Variants in MANEAL observed in about 807,000 individuals in gnomAD.
MANEAL encodes the protein mannosidase endo-alpha like, also known as glycoprotein endo-alpha-1,2-mannosidase-like protein.
Under a neutral mutation model 35.9 loss-of-function variants are expected in MANEAL, and 28 were observed. That is an observed-to-expected ratio of 0.78 (90% CI 0.58 to 1.07). MANEAL has a LOEUF of 1.07. Ranked by LOEUF, MANEAL falls within the 50% of genes least tolerant of loss-of-function variation. MANEAL has a pLI of 0.00. For missense variants in MANEAL, 576 were observed against 629.6 expected, an observed-to-expected ratio of 0.91 and a Z score of 0.91; for synonymous variants, 286 against 272.2, an observed-to-expected ratio of 1.05 and a Z score of -0.50.
At chr1:37,798,568 A>G (rs1393166259) in intron 3 of MANEAL, among the ~76,000 whole-genome samples, 1 of 151,724 alleles carries the variant, frequency 6.6e-6, no homozygotes, top group South Asian at 2.1e-4. Context: ...TATCTCTACA[A>G]ATTTTTTTTT....
rs1449680306 is a variant in MANEAL, at chr1:37,799,984, G to A, written c.1155G>A (p.Glu385=). 3.7e-6 allele frequency: 6 copies of A among 1,614,220 alleles called. No homozygotes were observed. In the Middle Eastern group the frequency reaches 4.9e-4, roughly 133 times the overall value. The change falls in exon 4 of 4, where the codon GAG becomes GAA. Residue 385 remains glutamate (E), a synonymous_variant. Transcript: ENST00000373045. This position sits in a 1 kb window ranked among gnomAD's most constrained non-coding sequence, Gnocchi z 4.1. ...TRNRVNGKYY[E]TALQAALTVR... Reference sequence around the variant, plus strand: ...ACAGGGTCAATGGCAAGTACTATGAGACGGCCCTGCAGGCGGCCCTGACAG... The same window carrying A: ...ACAGGGTCAATGGCAAGTACTATGAAACGGCCCTGCAGGCGGCCCTGACAG...
Position 37,794,253 on chromosome 1 carries a change from T to C in MANEAL, c.71T>C (p.Met24Thr). The change falls in exon 1 of 4, where the codon ATG becomes ACG. Residue 24 changes from methionine (M) to threonine (T), a missense_variant. Coordinates refer to ENST00000373045, the MANE Select transcript of MANEAL (RefSeq NM_001113482.2). The surrounding 1 kb of genome is among the most constrained non-coding windows in gnomAD (Gnocchi z 5.7). ...CTGCTCTTCGCCTTCGGCACCCTCATGGGTCTGCGCACGCTCAAGGCTCCG... is the reference window on the plus strand; with the variant it reads ...CTGCTCTTCGCCTTCGGCACCCTCACGGGTCTGCGCACGCTCAAGGCTCCG... The part of the protein sequence containing the change: ...LVLLFAFGTL[M>T]GLRTLKAPDG... 1 of 1,327,832 alleles carries C rather than the reference T, an allele frequency of 7.5e-7. No individual in the cohort carries two copies. Among genetic ancestry groups the C allele is most frequent in the South Asian group, 1.5e-5 (1 of 66,400 alleles). 82.3% of individuals were successfully genotyped at this position (1,327,832 alleles called of 1,614,324 possible).
Position 37,794,240 on chromosome 1 carries a change from T to A in MANEAL, c.58T>A (p.Phe20Ile). ...TCTGTTCCTGGTGCTGCTCTTCGCCTTCGGCACCCTCATGGGTCTGCGCAC... is the reference window on the plus strand; with the variant it reads ...TCTGTTCCTGGTGCTGCTCTTCGCCATCGGCACCCTCATGGGTCTGCGCAC... ...IALFLVLLFA[F>I]GTLMGLRTLK... Residue 20 changes from phenylalanine (F) to isoleucine (I), a missense_variant, in exon 1 of 4, where the codon TTC (phenylalanine) becomes ATC (isoleucine). By Grantham distance (21) the Phe-to-Ile change is conservative. Transcript: ENST00000373045. This position sits in a 1 kb window ranked among gnomAD's most constrained non-coding sequence, Gnocchi z 5.7. The A allele has an allele frequency of 1.5e-6, 2 of 1,332,664 alleles. No homozygotes were observed. The highest frequency in any genetic ancestry group is 3.9e-5 in the East Asian group (1 of 25,650). 82.6% of individuals were successfully genotyped at this position (1,332,664 alleles called of 1,614,324 possible).
Position 37,800,490 on chromosome 1 carries a change from C to A in MANEAL, c.*287C>A. 1 of 477,228 alleles carries A rather than the reference C, an allele frequency of 2.1e-6. No individual in the cohort carries two copies. Among genetic ancestry groups the A allele is most frequent in the Non-Finnish European group, 3.8e-6 (1 of 261,100 alleles). The allele number at this position is 477,228 out of a possible 1,614,324, so 29.6% of individuals were successfully genotyped here. On this transcript the variant is annotated 3_prime_UTR_variant, in exon 4 of 4. Transcript: ENST00000373045. Reference sequence around the variant, plus strand: ...TGGGAACACTTTCATGTAACCCCTTCTAGTTTTGAACTCTGCAGCAGGCTG... The same window carrying A: ...TGGGAACACTTTCATGTAACCCCTTATAGTTTTGAACTCTGCAGCAGGCTG...
intron 1 of MANEAL, chr1:37,795,477 C>T: frequency 1.5e-6 from 2 of 1,306,348 alleles, no homozygotes; most frequent in Non-Finnish European, 2.0e-6. Flanking sequence ...TGTTCTACTA[C>T]TTGCTGAGGC....
At chr1:37,797,493 CAG>C (rs1191470693) in intron 3 of MANEAL, among the ~76,000 whole-genome samples, 12 of 140,746 alleles carry the variant, frequency 8.5e-5, no homozygotes, top group African/African-American at 2.4e-4. Context: ...TTTTTTGAGA[CAG>C]AGTCTCACTC....
Position 37,795,794 on chromosome 1 carries a change from C to G in MANEAL, c.608C>G (p.Ser203Ter), listed in dbSNP as rs761919264. The stretch of plus-strand genomic sequence containing the variant: ...ATGGCTGATGATAACGGGGAGCCCT[C>G]AGATGACCTGGTGCCCGCCATTCTG... ...PGMADDNGEPSDDLVPAILDT... is the reference protein window; with the variant it reads ...PGMADDNGEP The change falls in exon 2 of 4, where the codon TCA becomes TGA. Residue 203 changes from serine (S) to a stop codon, truncating the protein, a stop_gained. Transcript: ENST00000373045. LOFTEE classifies it high-confidence loss of function. The G allele has an allele frequency of 4.3e-6, 7 of 1,614,170 alleles. No homozygotes were observed.
In MANEAL at chr1:37,800,159, T is replaced by G; in HGVS notation, c.1330T>G (p.Trp444Gly). ...PSLYLELTRRWAEHFIKEKEQ... is the reference protein window; with the variant it reads ...PSLYLELTRRGAEHFIKEKEQ... Reference sequence around the variant, plus strand: ...CCTGTACCTGGAGCTGACACGCCGCTGGGCGGAGCACTTCATCAAAGAGAA... The same window carrying G: ...CCTGTACCTGGAGCTGACACGCCGCGGGGCGGAGCACTTCATCAAAGAGAA... Residue 444 changes from tryptophan (W) to glycine (G), a missense_variant, in exon 4 of 4, where the codon TGG becomes GGG. Trp to Gly is a radical substitution (Grantham distance 184, BLOSUM62 -2). Around this residue, in one of 3 missense-constraint regions of MANEAL, gnomAD observed 449 missense variants for 516.1 expected, o/e 0.87. Coordinates refer to ENST00000373045, the MANE Select transcript of MANEAL (RefSeq NM_001113482.2). 1.2e-6 allele frequency: 2 copies of G among 1,613,962 alleles called. No homozygotes were observed. Among genetic ancestry groups the G allele is most frequent in the Non-Finnish European group, 1.7e-6 (2 of 1,180,046 alleles).
At chr1:37,795,691 G>T in intron 1 of MANEAL, 46 bp from the exon 2 acceptor site, 1 of 1,611,618 alleles carries the variant, frequency 6.2e-7, no homozygotes, top group South Asian at 1.1e-5. Flanking sequence ...TCTCTGTTGA[G>T]GGGGGTACTG....
At chr1:37,796,620 C>T in intron 2 of MANEAL, 124 bp from the exon 3 acceptor site, 2 of 898,700 alleles carry the variant, frequency 2.2e-6, no homozygotes, top group Non-Finnish European at 3.5e-6. Context: ...TCTACTGTGC[C>T]CACCACTGCC....
intron 3 of MANEAL, among the ~76,000 whole-genome samples, chr1:37,798,569 A>T (rs1333470452): frequency 1.3e-5 from 2 of 151,048 alleles, no homozygotes; most frequent in East Asian, 1.9e-4. Context: ...ATCTCTACAA[A>T]TTTTTTTTTA....
chr1:37,794,763 C>G lies in MANEAL; in HGVS notation c.550+31C>G. On this transcript the variant is annotated intron_variant, in intron 1 of 3. Coordinates refer to ENST00000373045, the MANE Select transcript of MANEAL (RefSeq NM_001113482.2). The surrounding 1 kb of genome is among the most constrained non-coding windows in gnomAD (Gnocchi z 5.7). ...CGCCCCCCACCCCGGGCGGCCCTGCCCCCCAGCCTCACCCTTCCTCCTTCC... is the reference window on the plus strand; with the variant it reads ...CGCCCCCCACCCCGGGCGGCCCTGCGCCCCAGCCTCACCCTTCCTCCTTCC... The G allele has an allele frequency of 7.0e-7, 1 of 1,422,660 alleles. No individual in the cohort carries two copies. Among genetic ancestry groups the G allele is most frequent in the African/African-American group, 1.4e-5 (1 of 70,912 alleles). 88.1% of individuals were successfully genotyped at this position (1,422,660 alleles called of 1,614,324 possible).
In MANEAL at chr1:37,794,247, C is replaced by A; in HGVS notation, c.65C>A (p.Thr22Asn). 1.5e-6 allele frequency: 2 copies of A among 1,331,642 alleles called. No homozygotes were observed. Among genetic ancestry groups the A allele is most frequent in the South Asian group, 1.5e-5 (1 of 67,274 alleles). The allele number at this position is 1,331,642 out of a possible 1,614,324, so 82.5% of individuals were successfully genotyped here. A position where few individuals can be genotyped will look rare whatever the true frequency, so the allele number is the denominator to read the frequency against. ...CTGGTGCTGCTCTTCGCCTTCGGCACCCTCATGGGTCTGCGCACGCTCAAG... is the reference window on the plus strand; with the variant it reads ...CTGGTGCTGCTCTTCGCCTTCGGCAACCTCATGGGTCTGCGCACGCTCAAG... ...LFLVLLFAFG[T>N]LMGLRTLKAP... The change falls in exon 1 of 4, where the codon ACC becomes AAC. Residue 22 changes from threonine (T) to asparagine (N), a missense_variant. Transcript: ENST00000373045. This position sits in a 1 kb window ranked among gnomAD's most constrained non-coding sequence, Gnocchi z 5.7.
intron 2 of MANEAL, 78 bp downstream of exon 2, chr1:37,795,924 C>A: frequency 7.5e-7 from 1 of 1,341,504 alleles, no homozygotes. Context: ...GGGTTAGTGC[C>A]TCTACAGAAG....
chr1:37,795,083 A>G (rs1284840160), intron 1 of MANEAL, among the ~76,000 whole-genome samples: 3 of 152,124 alleles, frequency 2.0e-5, no homozygotes, highest in African/African-American at 7.2e-5. Context: ...GGTTCAGAGG[A>G]GTGGAACTTA....
At position 37,799,906 on chromosome 1, in the gene MANEAL, G is replaced by C; in HGVS notation, c.1077G>C (p.Gly359=). ...ACCTCATGTTCATCCCCAGTGTGGG[G>C]CCTGGCTACATAGACACCAGCATTC... The part of the protein sequence containing the change: ...ANNLMFIPSV[G]PGYIDTSIRP... Residue 359 remains glycine (G), a synonymous_variant, in exon 4 of 4, where the codon GGG becomes GGC. Coordinates refer to ENST00000373045, the MANE Select transcript of MANEAL (RefSeq NM_001113482.2). This position sits in a 1 kb window ranked among gnomAD's most constrained non-coding sequence, Gnocchi z 4.1. 1.2e-6 allele frequency: 2 copies of C among 1,614,238 alleles called. No homozygotes were observed. Among genetic ancestry groups the C allele is most frequent in the Non-Finnish European group, 1.7e-6 (2 of 1,180,054 alleles).
Position 37,795,802 on chromosome 1 carries a change from C to G in MANEAL, c.616C>G (p.Leu206Val). 6.2e-7 allele frequency: 1 copy of G among 1,614,156 alleles called. No individual in the cohort carries two copies. Among genetic ancestry groups the G allele is most frequent in the Non-Finnish European group, 8.5e-7 (1 of 1,180,010 alleles). The change falls in exon 2 of 4, where the codon CTG (leucine) becomes GTG (valine). Residue 206 changes from leucine (L) to valine (V), a missense_variant. Transcript: ENST00000373045. ...ADDNGEPSDD[L>V]VPAILDTAHQ... ...TGATAACGGGGAGCCCTCAGATGACCTGGTGCCCGCCATTCTGGACACCGC... is the reference window on the plus strand; with the variant it reads ...TGATAACGGGGAGCCCTCAGATGACGTGGTGCCCGCCATTCTGGACACCGC...
Position 37,794,617 on chromosome 1 carries a change from C to A in MANEAL, c.435C>A (p.Arg145=). ...TCTCGGCCAGCTACCCCCGCGGCCG[C>A]CACAGCCCCCCAGACGACTTGGGCT... ...PKISASYPRG[R]HSPPDDLGSS... Residue 145 remains arginine, a synonymous_variant, in exon 1 of 4, where the codon CGC becomes CGA. Coordinates refer to ENST00000373045, the MANE Select transcript of MANEAL (RefSeq NM_001113482.2). The surrounding 1 kb of genome is among the most constrained non-coding windows in gnomAD (Gnocchi z 5.7). 1 of 1,611,246 alleles carries A rather than the reference C, an allele frequency of 6.2e-7. No homozygotes were observed. Among genetic ancestry groups the A allele is most frequent in the East Asian group, 2.2e-5 (1 of 44,846 alleles).
Position 37,800,088 on chromosome 1 carries a change from A to G in MANEAL, c.1259A>G (p.Lys420Arg). The change falls in exon 4 of 4, where the codon AAG (lysine) becomes AGG (arginine). Residue 420 changes from lysine to arginine, a missense_variant. This residue lies in a region of MANEAL where 449 missense variants were observed against 516.1 expected (regional missense o/e 0.87). Transcript: ENST00000373045. ...CAGATTGAGAAGGCCATTCCCAAGA[A>G]GACACCCACCCGCCTGTATTTGGAC... ...GTQIEKAIPK[K>R]TPTRLYLDYL... 6.2e-7 allele frequency: 1 copy of G among 1,614,026 alleles called. No homozygotes were observed. The highest frequency in any genetic ancestry group is 8.5e-7 in the Non-Finnish European group (1 of 1,180,044).
Sources: gnomAD v4.1 joint callset for allele counts (sites outside exome capture counted in the v4.1 genomes callset) on GRCh38, gnomAD v4.1.1 for gene constraint, gnomAD v4.1.1 regional missense constraint, Gnocchi (gnomAD v3.1) non-coding constraint, MANE v1.5 for transcripts, NCBI Gene and HGNC (gene_info 2026-07-23, HGNC 2026-07-21) for gene names.